Variants in PLAC8 observed in about 807,000 individuals in gnomAD.
PLAC8 encodes placenta-specific gene 8 protein.
A neutral mutation model predicts 12.6 loss-of-function variants in PLAC8; 6 were observed. That is an observed-to-expected ratio of 0.48 (90% CI 0.26 to 0.94). The LOEUF is 0.94. Among genes scored for constraint, PLAC8 ranks in the 40% least tolerant of loss-of-function variants. PLAC8 has a pLI of 0.14. For synonymous variants in PLAC8, 54 were observed against 52.6 expected (o/e 1.03, Z -0.11); for missense variants, 122 against 152.7 (o/e 0.80, Z 1.06).
chr4:83,105,967 TG>T (rs1732227132), intron 2 of PLAC8, among the ~76,000 whole-genome samples: 1 of 152,154 alleles, frequency 6.6e-6, no homozygotes, highest in African/African-American at 2.4e-5. Context: ...TCCCTTGCTA[TG>T]CTACTGAGTG....
chr4:83,106,101 G>A (rs1034948549), intron 2 of PLAC8, among the ~76,000 whole-genome samples: 1 of 152,040 alleles, frequency 6.6e-6, no homozygotes, highest in Admixed American at 6.5e-5. Context: ...TCAGGTTCAA[G>A]CAATTCTTCT....
chr4:83,092,065 C>T (rs980487532), intron 4 of PLAC8, among the ~76,000 whole-genome samples: 9 of 152,018 alleles, frequency 5.9e-5, no homozygotes, highest in Non-Finnish European at 8.8e-5. Context: ...CTCCCCATTT[C>T]GATATCTGTT....
chr4:83,096,456 A>G (rs1731928142), intron 3 of PLAC8, among the ~76,000 whole-genome samples: 1 of 152,256 alleles, frequency 6.6e-6, no homozygotes, highest in Non-Finnish European at 1.5e-5. Context: ...TTAAATAAAA[A>G]TTAAAACAAT....
intron 1 of PLAC8, among the ~76,000 whole-genome samples, chr4:83,113,250 G>A (rs550799588): frequency 6.6e-6 from 1 of 152,298 alleles, no homozygotes; most frequent in South Asian, 2.1e-4. Context: ...AGCTGCTTCG[G>A]TGAGAATTCG....
At position 83,101,249 on chromosome 4, in the gene PLAC8, A is replaced by C. The variant is rs565700991; in HGVS notation, c.243+3647T>G. Among the ~76,000 whole-genome samples the C allele has an allele frequency of 3.3e-5, 5 of 152,160 alleles. No individual in the cohort carries two copies. In the South Asian group the frequency reaches 1.0e-3, roughly 32 times the overall value. On this transcript the variant is annotated intron_variant, in intron 3 of 4. Transcript: ENST00000311507. Reference sequence around the variant, plus strand: ...AAAAAAATTAGCTGGGTGTGGCGGCACGGGCCTGTAATCCCAGCTACTGGC... The same window carrying C: ...AAAAAAATTAGCTGGGTGTGGCGGCCCGGGCCTGTAATCCCAGCTACTGGC...
rs1240905698 is a variant in PLAC8 at position 83,112,257 on chromosome 4, T to C, written c.-30+2409A>G. Among the ~76,000 whole-genome samples the C allele has an allele frequency of 2.0e-5, 3 of 149,696 alleles. No individual in the cohort carries two copies. The East Asian group carries it at 5.8e-4, about 29-fold the overall frequency. On this transcript the variant is annotated intron_variant, in intron 1 of 4. Transcript: ENST00000311507. Reference sequence around the variant, plus strand: ...ATATATGTATCAGCTGTATCTCAAATATCCATATGCTAACTGCCAGTTAGT... The same window carrying C: ...ATATATGTATCAGCTGTATCTCAAACATCCATATGCTAACTGCCAGTTAGT...
At position 83,090,543 on chromosome 4, in the gene PLAC8, A is replaced by AG. The variant is rs1466186043; in HGVS notation, c.*437_*438insC. 1.5e-4 allele frequency: 21 copies of AG among 141,726 alleles called. No homozygotes were observed. The highest frequency in any genetic ancestry group is 5.9e-4 in the East Asian group (3 of 5,128). 8.8% of individuals were successfully genotyped at this position (141,726 alleles called of 1,614,324 possible). A position where few individuals can be genotyped will look rare whatever the true frequency, so the allele number is the denominator to read the frequency against. On this transcript the variant is annotated 3_prime_UTR_variant, in exon 5 of 5. Coordinates refer to ENST00000311507, the MANE Select transcript of PLAC8 (RefSeq NM_016619.3). ...ACTCTATCTCAAAAAAAAAAAAAAA[A>AG]AAAGAAAGAAAGATCCCCCAACTCT... is the stretch of plus-strand genomic sequence containing the variant.
intron 3 of PLAC8, among the ~76,000 whole-genome samples, chr4:83,103,019 G>C (rs1732143603): frequency 6.6e-6 from 1 of 150,408 alleles, no homozygotes; most frequent in Non-Finnish European, 1.5e-5. Context: ...CTGGGAGGCG[G>C]AGCTTGCAGT....
chr4:83,110,619 A>C (rs535160905), intron 1 of PLAC8, among the ~76,000 whole-genome samples: 2 of 152,320 alleles, frequency 1.3e-5, no homozygotes, highest in South Asian at 2.1e-4. Context: ...GGCTGAGGCC[A>C]TGCGTGATGC....
chr4:83,099,865 G>A (rs111541154), intron 3 of PLAC8, among the ~76,000 whole-genome samples: 3,400 of 151,784 alleles, frequency 0.022, 45 homozygotes, highest in South Asian at 0.055. Context: ...AATTAGATGG[G>A]TGTGGTGACG....
chr4:83,100,511 C>A (rs1227503775), intron 3 of PLAC8, among the ~76,000 whole-genome samples: 9 of 63,548 alleles, frequency 1.4e-4, no homozygotes, highest in African/African-American at 6.7e-4. Context: ...ATGCGAGAAC[C>A]TTTTCTTTAT....
intron 4 of PLAC8, among the ~76,000 whole-genome samples, chr4:83,091,781 C>T (rs1257788423): frequency 2.0e-5 from 3 of 152,172 alleles, no homozygotes; most frequent in African/African-American, 7.2e-5. Context: ...CAGAAATTCT[C>T]CTGCCACTTC....
At chr4:83,110,753 A>G (rs768102339) in intron 1 of PLAC8, among the ~76,000 whole-genome samples, 2 of 152,018 alleles carry the variant, frequency 1.3e-5, no homozygotes, top group Non-Finnish European at 2.9e-5. Flanking sequence ...CTAAATCCCA[A>G]CTCCAGTACT....
intron 4 of PLAC8, 125 bp from the exon 5 acceptor site, chr4:83,091,096 T>G (rs28376865): frequency 6.6e-6 from 1 of 152,042 alleles, no homozygotes; most frequent in Non-Finnish European, 1.5e-5. Flanking sequence ...CGAGCTCTCA[T>G]GTATCTGGCA....
chr4:83,109,343 T>A (rs1732346195), intron 1 of PLAC8, among the ~76,000 whole-genome samples: 1 of 152,262 alleles, frequency 6.6e-6, no homozygotes, highest in Non-Finnish European at 1.5e-5. Flanking sequence ...TTTGATTTTT[T>A]TAAAAATGTA....
chr4:83,095,297 C>A (rs1407069979), intron 3 of PLAC8, among the ~76,000 whole-genome samples: 1 of 152,136 alleles, frequency 6.6e-6, no homozygotes, highest in Non-Finnish European at 1.5e-5. Context: ...GAAGTGATTT[C>A]ATCATGAAGA....
intron 2 of PLAC8, among the ~76,000 whole-genome samples, chr4:83,106,340 A>G (rs1451852327): frequency 6.6e-6 from 1 of 151,592 alleles, no homozygotes; most frequent in African/African-American, 2.4e-5. Flanking sequence ...ATTTCAGGCC[A>G]GGTATGGTGG....
At chr4:83,103,902 A>G (rs1299120657) in intron 3 of PLAC8, among the ~76,000 whole-genome samples, 3 of 152,136 alleles carry the variant, frequency 2.0e-5, no homozygotes, top group African/African-American at 4.8e-5. Flanking sequence ...TCCTGACCTC[A>G]AGTGATCAGC....
intron 3 of PLAC8, among the ~76,000 whole-genome samples, chr4:83,096,652 A>G (rs1731934277): frequency 6.6e-6 from 1 of 152,222 alleles, no homozygotes; most frequent in African/African-American, 2.4e-5. Context: ...TATAGATTAG[A>G]CGAAGATACA....
Sources: gnomAD v4.1 joint callset for allele counts (sites outside exome capture counted in the v4.1 genomes callset) on GRCh38, gnomAD v4.1.1 for gene constraint, MANE v1.5 for transcripts, NCBI Gene and HGNC (gene_info 2026-07-23, HGNC 2026-07-21) for gene names.